The following CNTN4 variants were observed in gnomAD, a reference collection of about 807,000 sequenced individuals.
CNTN4 encodes contactin 4.
A neutral mutation model predicts 122.5 loss-of-function variants in CNTN4; 77 were observed. That is an observed-to-expected ratio of 0.63 (90% confidence interval 0.52 to 0.76). CNTN4 has a LOEUF of 0.76. CNTN4 is among the 30% of genes least tolerant of loss of function. The pLI is 0.00. For synonymous variants in CNTN4, 512 were observed against 447.0 expected (o/e 1.15, Z -1.83); for missense variants, 1,256 against 1,259.1 (o/e 1.00, Z 0.04).
At chr3:2,976,682 C>T (rs755134174) in intron 13 of CNTN4, among the ~76,000 whole-genome samples, 4 of 152,166 alleles carry the variant, frequency 2.6e-5, no homozygotes, top group Non-Finnish European at 4.4e-5. Context: ...TTGTAAATTG[C>T]AATTACCACA....
chr3:2,441,293 C>T (rs2048429949), intron 3 of CNTN4, among the ~76,000 whole-genome samples: 2 of 152,144 alleles, frequency 1.3e-5, no homozygotes, highest in Admixed American at 1.3e-4. Context: ...CAGTAATAAG[C>T]ACATGTATTA....
rs556755773 is a variant in CNTN4 at position 2,753,829 on chromosome 3, G to A, written c.358+8132G>A. ...TAGGTATTCTTGATGCCATCATACT[G>A]TTGATTTACTGTGAACATCTAAAAG... is the stretch of plus-strand genomic sequence containing the variant. On this transcript the variant is annotated intron_variant, in intron 6 of 24. Coordinates refer to ENST00000418658, the MANE Select transcript of CNTN4 (RefSeq NM_175607.3). 1.1e-4 allele frequency among the ~76,000 whole-genome samples: 17 copies of A among 152,236 alleles called. No individual in the cohort carries two copies. In the Middle Eastern group the frequency reaches 0.017, roughly 152 times the overall value.
intron 12 of CNTN4, among the ~76,000 whole-genome samples, chr3:2,906,274 C>T (rs1359600505): frequency 6.6e-6 from 1 of 152,036 alleles, no homozygotes; most frequent in African/African-American, 2.4e-5. Flanking sequence ...TTGTATAACA[C>T]GATGATTATA....
chr3:2,153,604 A>G (rs2035586711), intron 2 of CNTN4, among the ~76,000 whole-genome samples: 1 of 152,184 alleles, frequency 6.6e-6, no homozygotes, highest in African/African-American at 2.4e-5. Flanking sequence ...ATGAAATGAA[A>G]CAATGGCCTC....
chr3:2,138,288 G>A (rs987461400), intron 2 of CNTN4, among the ~76,000 whole-genome samples: 5 of 151,962 alleles, frequency 3.3e-5, no homozygotes, highest in African/African-American at 7.2e-5. Flanking sequence ...GGCTGGTCTT[G>A]AACTCCTGAC....
At chr3:2,301,938 C>G (rs1399203764) in intron 2 of CNTN4, among the ~76,000 whole-genome samples, 1 of 152,172 alleles carries the variant, frequency 6.6e-6, no homozygotes, top group African/African-American at 2.4e-5. Context: ...GCCTGAAAGT[C>G]TGAAATTGAT....
At chr3:2,413,434 C>T (rs999247345) in intron 3 of CNTN4, among the ~76,000 whole-genome samples, 23 of 152,172 alleles carry the variant, frequency 1.5e-4, no homozygotes, top group Admixed American at 6.5e-4. Flanking sequence ...GAAAGAAAGA[C>T]AGCCATCTAA....
intron 2 of CNTN4, among the ~76,000 whole-genome samples, chr3:2,235,358 C>T (rs2039641421): frequency 6.6e-6 from 1 of 152,134 alleles, no homozygotes; most frequent in Admixed American, 6.6e-5. Flanking sequence ...AACACAGAAC[C>T]TCAAATATCT....
At chr3:2,930,765 C>G (rs963807419) in intron 13 of CNTN4, among the ~76,000 whole-genome samples, 1 of 152,102 alleles carries the variant, frequency 6.6e-6, no homozygotes, top group African/African-American at 2.4e-5. Context: ...ATGGATGCAG[C>G]ACTCACTGGG....
chr3:2,734,053 G>T (rs1049142756), intron 4 of CNTN4, among the ~76,000 whole-genome samples: 1 of 151,958 alleles, frequency 6.6e-6, no homozygotes, highest in Non-Finnish European at 1.5e-5. Context: ...CCCTGTCTTT[G>T]TTTTTTGTTG....
intron 3 of CNTN4, among the ~76,000 whole-genome samples, chr3:2,340,719 A>AGG (rs1553627590): frequency 7.4e-6 from 1 of 134,858 alleles, no homozygotes; most frequent in African/African-American, 2.7e-5. Flanking sequence ...ATAGAGAGAG[A>AGG]GAGAGAGAGA....
rs370653933 is a variant in CNTN4 at position 2,804,737 on chromosome 3, C to CT, written c.359-14740dup. 2.8e-4 allele frequency among the ~76,000 whole-genome samples: 41 copies of CT among 144,878 alleles called. 4 individuals carry two copies. The highest frequency in any genetic ancestry group is 6.9e-5 in the Admixed American group (1 of 14,508). On this transcript the variant is annotated intron_variant, in intron 6 of 24. Coordinates refer to ENST00000418658, the MANE Select transcript of CNTN4 (RefSeq NM_175607.3). The stretch of plus-strand genomic sequence containing the variant: ...CAACCACACCCACATATTTTGAGCA[C>CT]TTTTTTTTTGAGACAAGGTCTCTCT...
chr3:2,509,865 A>C (rs1225481299), intron 3 of CNTN4, among the ~76,000 whole-genome samples: 1 of 152,158 alleles, frequency 6.6e-6, no homozygotes, highest in Non-Finnish European at 1.5e-5. Flanking sequence ...TCCACATTAA[A>C]TATAAAGACT....
chr3:2,837,056 C>T (rs771232504), intron 7 of CNTN4, among the ~76,000 whole-genome samples: 1 of 152,086 alleles, frequency 6.6e-6, no homozygotes, highest in Non-Finnish European at 1.5e-5. Flanking sequence ...ATGATTTCTA[C>T]TTTTGTTATT....
intron 4 of CNTN4, among the ~76,000 whole-genome samples, chr3:2,631,636 T>C (rs1362598591): frequency 6.6e-6 from 1 of 151,916 alleles, no homozygotes; most frequent in African/African-American, 2.4e-5. Flanking sequence ...AAAGTTTTTT[T>C]TTTTAATTTG....
chr3:2,561,458 G>A (rs754741625), intron 3 of CNTN4, among the ~76,000 whole-genome samples: 23 of 152,008 alleles, frequency 1.5e-4, no homozygotes, highest in African/African-American at 4.1e-4. Flanking sequence ...CCTTGCATCC[G>A]CTCTCCTCCA....
intron 13 of CNTN4, among the ~76,000 whole-genome samples, chr3:2,933,050 C>G (rs1485544882): frequency 6.6e-6 from 1 of 152,070 alleles, no homozygotes; most frequent in Non-Finnish European, 1.5e-5. Flanking sequence ...TCTCGATCTC[C>G]TGACCTCGTG....
At chr3:2,547,379 A>T (rs1009456013) in intron 3 of CNTN4, among the ~76,000 whole-genome samples, 1 of 151,874 alleles carries the variant, frequency 6.6e-6, no homozygotes, top group African/African-American at 2.4e-5. Context: ...TTCTTTGGCC[A>T]CAGCCTCCCT....
intron 3 of CNTN4, among the ~76,000 whole-genome samples, chr3:2,522,241 C>T (rs1235679977): frequency 6.6e-6 from 1 of 150,826 alleles, no homozygotes; most frequent in Non-Finnish European, 1.5e-5. Flanking sequence ...ATATGCTTTA[C>T]TTCCATAGTC....
Sources: allele counts gnomAD v4.1 joint callset (sites outside exome capture counted in the v4.1 genomes callset), GRCh38; gene constraint gnomAD v4.1.1; transcripts MANE v1.5; gene names NCBI Gene and HGNC (gene_info 2026-07-23, HGNC 2026-07-21).